Variants in PCDHA11 observed in about 807,000 individuals in gnomAD.
The protein encoded by PCDHA11 is protocadherin alpha 11, also known as protocadherin alpha-11.
Under a neutral mutation model 70.3 loss-of-function variants are expected in PCDHA11, and 61 were observed. The observed-to-expected ratio is 0.87, with a 90% CI of 0.71 to 1.07. PCDHA11 has a LOEUF of 1.07. Ranked by LOEUF, PCDHA11 falls within the 50% of genes least tolerant of loss-of-function variation. PCDHA11 has a pLI of 0.00. For missense variants in PCDHA11, 1,324 were observed against 1,237.5 expected (o/e 1.07, Z -1.05); for synonymous variants, 633 against 555.1 (o/e 1.14, Z -1.97).
chr5:140,988,818 CCAAA>C (rs1193685505), intron 3 of PCDHA11: 2 of 152,060 alleles, frequency 1.3e-5, no homozygotes, highest in Non-Finnish European at 2.9e-5. Flanking sequence ...AACAGTAGCC[CCAAA>C]CAGAGATCAC....
At chr5:140,966,860 T>TTGC (rs148181752) in intron 1 of PCDHA11, 11 of 1,577,372 alleles carry the variant, frequency 7.0e-6, no homozygotes, top group Non-Finnish European at 9.4e-6. Flanking sequence ...CCTGCTGCTG[T>TTGC]TGCTGCTGCT....
intron 1 of PCDHA11, among the ~76,000 whole-genome samples, chr5:140,970,887 G>A (rs2096441583): frequency 6.6e-6 from 1 of 152,118 alleles, no homozygotes; most frequent in Non-Finnish European, 1.5e-5. Context: ...TTTTCTCATG[G>A]ACATTTCAGA....
chr5:141,010,461 G>C lies in PCDHA11; in HGVS notation c.*524G>C. The C allele has an allele frequency of 1.2e-6, 1 of 823,014 alleles. No individual in the cohort carries two copies. The highest frequency in any genetic ancestry group is 1.8e-6 in the Non-Finnish European group (1 of 553,022). The allele number at this position is 823,014 out of a possible 1,614,324, so 51.0% of individuals were successfully genotyped here. A position where few individuals can be genotyped will look rare whatever the true frequency, so the allele number is the denominator to read the frequency against. On this transcript the variant is annotated 3_prime_UTR_variant, in exon 4 of 4. Coordinates refer to ENST00000398640, the MANE Select transcript of PCDHA11 (RefSeq NM_018902.5). ...GACAAATAAACAGCGGAAGTTATCAGTATGGAGGGGAAGTGTAAACTTAAA... is the reference window on the plus strand; with the variant it reads ...GACAAATAAACAGCGGAAGTTATCACTATGGAGGGGAAGTGTAAACTTAAA...
chr5:140,993,282 C>G lies in PCDHA11; in HGVS notation c.2539+10719C>G, dbSNP rs183298575. On this transcript the variant is annotated intron_variant, in intron 3 of 3. Transcript: ENST00000398640. Reference sequence around the variant, plus strand: ...ATTAGCTTCTTTGGTCTTTTCTTGCCCAGGGTCACAACCTTGCCTCCAGGA... The same window carrying G: ...ATTAGCTTCTTTGGTCTTTTCTTGCGCAGGGTCACAACCTTGCCTCCAGGA... Among the ~76,000 whole-genome samples, 618 of 151,922 alleles carry G rather than the reference C, an allele frequency of 4.1e-3. 6 individuals are homozygous for G. Among genetic ancestry groups the G allele is most frequent in the Non-Finnish European group, 5.9e-3 (399 of 67,976 alleles).
At chr5:140,977,730 T>C (rs1478978176) in intron 1 of PCDHA11, among the ~76,000 whole-genome samples, 1 of 152,226 alleles carries the variant, frequency 6.6e-6, no homozygotes, top group Non-Finnish European at 1.5e-5. Flanking sequence ...ATTTCTCTCC[T>C]GGGTGTTATG....
intron 1 of PCDHA11, among the ~76,000 whole-genome samples, chr5:140,941,214 CCTTTCTTTCTTTCTTT>C (rs60032403): frequency 8.2e-6 from 1 of 122,414 alleles, no homozygotes; most frequent in East Asian, 2.3e-4. Context: ...TTTCTTTCTT[CCTTTCTTTCTTTCTTT>C]CTTTCTTTCT....
At chr5:140,943,908 C>G (rs1554216015) in intron 1 of PCDHA11, among the ~76,000 whole-genome samples, 1 of 152,198 alleles carries the variant, frequency 6.6e-6, no homozygotes, top group Admixed American at 6.5e-5. Context: ...GTCATGAGCA[C>G]TTTAGCATGA....
At chr5:140,992,017 C>CTGTGTGTGTGTGTG (rs10602499) in intron 3 of PCDHA11, among the ~76,000 whole-genome samples, 1 of 145,628 alleles carries the variant, frequency 6.9e-6, no homozygotes, top group African/African-American at 2.5e-5. Flanking sequence ...AGAGGTGGCT[C>CTGTGTGTGTGTGTG]TGTGTGTGTG....
At chr5:140,996,129 G>A (rs190965499) in intron 3 of PCDHA11, among the ~76,000 whole-genome samples, 1 of 152,210 alleles carries the variant, frequency 6.6e-6, no homozygotes, top group Non-Finnish European at 1.5e-5. Flanking sequence ...TGGTGTAGAG[G>A]GTTCTCCCAT....
intron 1 of PCDHA11, among the ~76,000 whole-genome samples, chr5:140,973,232 G>A (rs1307717074): frequency 6.6e-6 from 1 of 152,196 alleles, no homozygotes; most frequent in Non-Finnish European, 1.5e-5. Context: ...ATAGTGACCT[G>A]AAAGAGTTAA....
Position 140,993,289 on chromosome 5 carries a change from C to T in PCDHA11, c.2539+10726C>T, listed in dbSNP as rs148346866. Among the ~76,000 whole-genome samples the T allele has an allele frequency of 3.6e-3, 552 of 152,140 alleles. 3 individuals are homozygous for T. The highest frequency in any genetic ancestry group is 0.01 in the Middle Eastern group (3 of 294). On this transcript the variant is annotated intron_variant, in intron 3 of 3. Coordinates refer to ENST00000398640, the MANE Select transcript of PCDHA11 (RefSeq NM_018902.5). ...TCTTTGGTCTTTTCTTGCCCAGGGTCACAACCTTGCCTCCAGGATAATACC... is the reference window on the plus strand; with the variant it reads ...TCTTTGGTCTTTTCTTGCCCAGGGTTACAACCTTGCCTCCAGGATAATACC...
At chr5:140,890,752 G>A (rs2062783323) in intron 1 of PCDHA11, among the ~76,000 whole-genome samples, 1 of 151,990 alleles carries the variant, frequency 6.6e-6, no homozygotes, top group East Asian at 1.9e-4. Context: ...TTTCTGTCAT[G>A]CTTTAAAAAT....
intron 3 of PCDHA11, among the ~76,000 whole-genome samples, chr5:140,995,247 A>G (rs1377733694): frequency 6.6e-6 from 1 of 152,186 alleles, no homozygotes; most frequent in Non-Finnish European, 1.5e-5. Context: ...TAAGTAAAAT[A>G]AGGGTACTTG....
At chr5:140,890,217 G>T (rs2153429721) in intron 1 of PCDHA11, among the ~76,000 whole-genome samples, 1 of 152,142 alleles carries the variant, frequency 6.6e-6, no homozygotes, top group South Asian at 2.1e-4. Context: ...TTTTCCCAGA[G>T]ACCTAGTTGT....
intron 3 of PCDHA11, among the ~76,000 whole-genome samples, chr5:140,983,854 T>C (rs1554245766): frequency 6.6e-6 from 1 of 152,206 alleles, no homozygotes; most frequent in Admixed American, 6.5e-5. Flanking sequence ...TTAAGTAACA[T>C]GCAGCTAAGG....
intron 1 of PCDHA11, chr5:140,928,551 G>A (rs782615304): frequency 2.5e-6 from 4 of 1,614,044 alleles, no homozygotes; most frequent in Non-Finnish European, 2.5e-6. Context: ...ACAATTATCC[G>A]GTTATCTTGT....
chr5:140,961,054 T>C (rs1290831214), intron 1 of PCDHA11, among the ~76,000 whole-genome samples: 2 of 152,136 alleles, frequency 1.3e-5, no homozygotes, highest in African/African-American at 4.8e-5. Context: ...AACAAAATGT[T>C]GAATGGGATA....
intron 1 of PCDHA11, among the ~76,000 whole-genome samples, chr5:140,893,884 G>T (rs189719076): frequency 6.6e-6 from 1 of 152,296 alleles, no homozygotes; most frequent in Non-Finnish European, 1.5e-5. Flanking sequence ...AAAGTGGCCA[G>T]AAAGTTACTT....
intron 1 of PCDHA11, chr5:140,882,538 C>A: frequency 6.2e-7 from 1 of 1,614,170 alleles, no homozygotes; most frequent in Non-Finnish European, 8.5e-7. Context: ...ATTCTCGGAT[C>A]GACCGCGAGG....
Sources: gnomAD v4.1 joint callset for allele counts (sites outside exome capture counted in the v4.1 genomes callset) on GRCh38, gnomAD v4.1.1 for gene constraint, MANE v1.5 for transcripts, NCBI Gene and HGNC (gene_info 2026-07-23, HGNC 2026-07-21) for gene names.